C1orf21: variants seen among roughly 807,000 people sequenced by gnomAD.
C1orf21 encodes the protein chromosome 1 open reading frame 21, also known as uncharacterized protein C1orf21.
C1orf21 carries 3 observed loss-of-function variants against 18.7 expected under a neutral mutation model. The ratio of observed to expected loss-of-function variants is 0.16; its 90% CI spans 0.07 to 0.42. The LOEUF is 0.42. Among genes scored for constraint, C1orf21 ranks in the 10% least tolerant of loss-of-function variants. The pLI, the probability that C1orf21 is intolerant of heterozygous loss-of-function variation, is 0.99. For missense variants in C1orf21, 104 were observed against 143.6 expected (o/e 0.72, Z 1.41); for synonymous variants, 41 against 46.4 (o/e 0.88, Z 0.47).
chr1:184,608,019 G>A (rs577992098), intron 5 of C1orf21, among the ~76,000 whole-genome samples: 2 of 151,850 alleles, frequency 1.3e-5, no homozygotes, highest in South Asian at 2.1e-4. Flanking sequence ...TTGTTATATC[G>A]ATATAAGATG....
At chr1:184,580,274 A>G (rs1256259359) in intron 3 of C1orf21, among the ~76,000 whole-genome samples, 3 of 152,164 alleles carry the variant, frequency 2.0e-5, no homozygotes, top group African/African-American at 4.8e-5. Context: ...TCCTGTTACA[A>G]TCCTTTGAGG....
At chr1:184,534,011 G>A (rs1489328029) in intron 3 of C1orf21, among the ~76,000 whole-genome samples, 1 of 152,184 alleles carries the variant, frequency 6.6e-6, no homozygotes. Flanking sequence ...GGATCTGTCT[G>A]AGAGAGCATT....
chr1:184,549,830 G>C (rs561782930), intron 3 of C1orf21, among the ~76,000 whole-genome samples: 4 of 151,864 alleles, frequency 2.6e-5, no homozygotes, highest in African/African-American at 7.2e-5. Context: ...ATAAATACTA[G>C]ATTTAGATAA....
intron 1 of C1orf21, among the ~76,000 whole-genome samples, chr1:184,425,282 C>G (rs1279145537): frequency 7.4e-6 from 1 of 135,178 alleles, no homozygotes; most frequent in South Asian, 2.3e-4. Context: ...TTTTTTTTTT[C>G]CTTGAGACAA....
chr1:184,522,876 A>G lies in C1orf21; in HGVS notation c.189+15194A>G, dbSNP rs12562542. On this transcript the variant is annotated intron_variant, in intron 3 of 5. Transcript: ENST00000235307. Reference sequence around the variant, plus strand: ...CTAATTTTTTGTATGTTTTGTAGAGACAGGGTTTTGCCAGTTGTCCAGGCT... The same window carrying G: ...CTAATTTTTTGTATGTTTTGTAGAGGCAGGGTTTTGCCAGTTGTCCAGGCT... Among the ~76,000 whole-genome samples the G allele has an allele frequency of 2.6e-5, 4 of 152,096 alleles. No individual in the cohort carries two copies. In the East Asian group the frequency reaches 7.7e-4, roughly 29 times the overall value.
At chr1:184,446,517 G>T (rs1318379141) in intron 1 of C1orf21, among the ~76,000 whole-genome samples, 1 of 152,066 alleles carries the variant, frequency 6.6e-6, no homozygotes, top group Non-Finnish European at 1.5e-5. Flanking sequence ...GGATATAGAA[G>T]AATTAAATGA....
chr1:184,497,092 A>G lies in C1orf21; in HGVS notation c.95-10496A>G, dbSNP rs78655435. ...TCGAACCGCTCTGAAACCTTCATGAATGAATCCTCATACCCTCTCCTCAAA... is the reference window on the plus strand; with the variant it reads ...TCGAACCGCTCTGAAACCTTCATGAGTGAATCCTCATACCCTCTCCTCAAA... On this transcript the variant is annotated intron_variant, in intron 2 of 5. Transcript: ENST00000235307. Among the ~76,000 whole-genome samples the G allele has an allele frequency of 8.3e-3, 1,259 of 152,294 alleles. 14 individuals are homozygous for G. The highest frequency in any genetic ancestry group is 0.029 in the African/African-American group (1,199 of 41,554).
chr1:184,436,556 G>C (rs1278219921), intron 1 of C1orf21, among the ~76,000 whole-genome samples: 5 of 151,944 alleles, frequency 3.3e-5, no homozygotes, highest in Non-Finnish European at 2.9e-5. Flanking sequence ...ATAGCAACAT[G>C]CTTCCCTAAA....
chr1:184,596,486 G>T (rs1007128807), intron 4 of C1orf21, among the ~76,000 whole-genome samples: 2 of 152,122 alleles, frequency 1.3e-5, no homozygotes, highest in African/African-American at 4.8e-5. Flanking sequence ...TAAAAATGCC[G>T]TTTTTTATGA....
intron 3 of C1orf21, among the ~76,000 whole-genome samples, chr1:184,564,169 C>G (rs1659002219): frequency 6.6e-6 from 1 of 152,092 alleles, no homozygotes; most frequent in East Asian, 1.9e-4. Context: ...TTCCTCATTT[C>G]TAACTAGAAG....
intron 3 of C1orf21, among the ~76,000 whole-genome samples, chr1:184,516,179 A>G (rs1658221715): frequency 6.6e-6 from 1 of 152,178 alleles, no homozygotes; most frequent in South Asian, 2.1e-4. Flanking sequence ...TTTCTCTTTG[A>G]TGACATACAA....
intron 1 of C1orf21, among the ~76,000 whole-genome samples, chr1:184,409,020 T>A (rs1238288851): frequency 6.6e-6 from 1 of 152,244 alleles, no homozygotes; most frequent in Non-Finnish European, 1.5e-5. Context: ...AAGAAACTAC[T>A]GAGTTATTTC....
At chr1:184,498,876 T>C (rs1480217510) in intron 2 of C1orf21, among the ~76,000 whole-genome samples, 1 of 152,244 alleles carries the variant, frequency 6.6e-6, no homozygotes, top group African/African-American at 2.4e-5. Flanking sequence ...GGGCTCTGAA[T>C]CAGACCACTG....
At chr1:184,389,397 G>T (rs541960882) in intron 1 of C1orf21, among the ~76,000 whole-genome samples, 2 of 152,230 alleles carry the variant, frequency 1.3e-5, no homozygotes, top group East Asian at 3.9e-4. Context: ...TCCTTCTCAG[G>T]GTTGACTTAA....
chr1:184,467,093 T>C (rs895334018), intron 1 of C1orf21, among the ~76,000 whole-genome samples: 1 of 152,180 alleles, frequency 6.6e-6, no homozygotes, highest in African/African-American at 2.4e-5. Flanking sequence ...ATTTAGTTAT[T>C]GGTGATGAAC....
At chr1:184,582,821 GTTTT>G (rs1297425707) in intron 3 of C1orf21, among the ~76,000 whole-genome samples, 1 of 151,958 alleles carries the variant, frequency 6.6e-6, no homozygotes, top group South Asian at 2.1e-4. Flanking sequence ...TTGAGGGAAT[GTTTT>G]TTTGTTTGTT....
intron 3 of C1orf21, among the ~76,000 whole-genome samples, chr1:184,582,123 C>G (rs530507653): frequency 4.1e-4 from 62 of 152,290 alleles, no homozygotes; most frequent in Non-Finnish European, 6.9e-4. Flanking sequence ...TGATCACCAT[C>G]ATTCAGAAGA....
intron 2 of C1orf21, among the ~76,000 whole-genome samples, chr1:184,491,571 C>A (rs537334508): frequency 7.9e-5 from 12 of 152,232 alleles, no homozygotes; most frequent in African/African-American, 2.9e-4. Flanking sequence ...AGGCTGTTCT[C>A]GAACTCCTGA....
chr1:184,457,473 A>T (rs577960427), intron 1 of C1orf21, among the ~76,000 whole-genome samples: 1,631 of 126,500 alleles, frequency 0.013, 27 homozygotes, highest in African/African-American at 0.05. Context: ...ATATATATAT[A>T]TTTTTACATA....
Sources: gnomAD v4.1 joint callset for allele counts (sites outside exome capture counted in the v4.1 genomes callset) on GRCh38, gnomAD v4.1.1 for gene constraint, MANE v1.5 for transcripts, NCBI Gene and HGNC (gene_info 2026-07-23, HGNC 2026-07-21) for gene names.